The following FHIT variants were observed in gnomAD, a reference collection of about 807,000 sequenced individuals.
FHIT encodes the protein bis(5'-adenosyl)-triphosphatase.
Under a neutral mutation model 17.9 loss-of-function variants are expected in FHIT, and 19 were observed. The observed-to-expected ratio is 1.06, with a 90% CI of 0.74 to 1.56. The LOEUF is 1.56. FHIT is among the 40% of genes most tolerant of loss of function. The pLI is 0.00. For synonymous variants in FHIT, 81 were observed against 69.7 expected (o/e 1.16, Z -0.81); for missense variants, 248 against 189.2 (o/e 1.31, Z -1.82).
intron 5 of FHIT, among the ~76,000 whole-genome samples, chr3:60,118,948 G>C (rs1335803897): frequency 6.6e-6 from 1 of 151,340 alleles, no homozygotes; most frequent in African/African-American, 2.4e-5. Flanking sequence ...TTAAACGTGG[G>C]AGGCGGAGGT....
chr3:61,031,571 G>A (rs1559924595), intron 3 of FHIT, among the ~76,000 whole-genome samples: 1 of 152,142 alleles, frequency 6.6e-6, no homozygotes, highest in African/African-American at 2.4e-5. Flanking sequence ...CCAGTTAAAT[G>A]TCAAAGCTTT....
intron 5 of FHIT, among the ~76,000 whole-genome samples, chr3:60,436,801 A>T (rs1313489749): frequency 1.3e-5 from 2 of 152,138 alleles, no homozygotes; most frequent in Non-Finnish European, 2.9e-5. Flanking sequence ...ACTCAGGTCA[A>T]ATTTTATTCA....
At chr3:60,642,541 T>C (rs782767281) in intron 4 of FHIT, among the ~76,000 whole-genome samples, 12 of 152,226 alleles carry the variant, frequency 7.9e-5, no homozygotes, top group Non-Finnish European at 1.3e-4. Context: ...CTCAAGTTTG[T>C]AAAACAAAAA....
chr3:60,121,941 T>G (rs908442780), intron 5 of FHIT, among the ~76,000 whole-genome samples: 1 of 152,188 alleles, frequency 6.6e-6, no homozygotes, highest in Non-Finnish European at 1.5e-5. Context: ...TTGGGTTTAT[T>G]TCACTCTTTG....
intron 4 of FHIT, among the ~76,000 whole-genome samples, chr3:60,673,615 A>G (rs566322169): frequency 1.3e-5 from 2 of 152,094 alleles, no homozygotes; most frequent in Non-Finnish European, 2.9e-5. Context: ...GGTACAGCAA[A>G]CCACCATGGC....
intron 8 of FHIT, among the ~76,000 whole-genome samples, chr3:59,916,978 C>T (rs1052599084): frequency 6.6e-6 from 1 of 152,230 alleles, no homozygotes; most frequent in African/African-American, 2.4e-5. Flanking sequence ...TTAACTGTCT[C>T]ACTGAAACAT....
chr3:59,914,509 A>C (rs1160334544), intron 8 of FHIT, among the ~76,000 whole-genome samples: 1 of 152,180 alleles, frequency 6.6e-6, no homozygotes, highest in African/African-American at 2.4e-5. Context: ...TTATTTATAC[A>C]GGTTGTTTGA....
At chr3:60,844,861 G>A (rs1289054968) in intron 3 of FHIT, among the ~76,000 whole-genome samples, 1 of 152,072 alleles carries the variant, frequency 6.6e-6, no homozygotes, top group African/African-American at 2.4e-5. Context: ...CTACATAGCT[G>A]CCTTATTATT....
chr3:60,039,339 G>A (rs1701345411), intron 5 of FHIT, among the ~76,000 whole-genome samples: 1 of 152,106 alleles, frequency 6.6e-6, no homozygotes, highest in Non-Finnish European at 1.5e-5. Flanking sequence ...TTCATACATG[G>A]GGCTTTGGCA....
chr3:60,940,187 C>T (rs1186180722), intron 3 of FHIT, among the ~76,000 whole-genome samples: 5 of 152,116 alleles, frequency 3.3e-5, no homozygotes, highest in African/African-American at 1.2e-4. Context: ...TCTGCTCCAT[C>T]TTCCCATTGT....
intron 5 of FHIT, among the ~76,000 whole-genome samples, chr3:60,340,934 C>A (rs1297004101): frequency 6.6e-6 from 1 of 152,144 alleles, no homozygotes; most frequent in Non-Finnish European, 1.5e-5. Flanking sequence ...TTGTGATGCG[C>A]CCATCTCAGC....
chr3:60,729,552 C>T (rs2041986552), intron 4 of FHIT, among the ~76,000 whole-genome samples: 1 of 152,120 alleles, frequency 6.6e-6, no homozygotes, highest in African/African-American at 2.4e-5. Context: ...CCAGAGAGCT[C>T]TGCCATGAGC....
chr3:61,073,974 C>T (rs2034890925), intron 2 of FHIT, among the ~76,000 whole-genome samples: 1 of 152,116 alleles, frequency 6.6e-6, no homozygotes, highest in Admixed American at 6.6e-5. Context: ...CTTGATTTGG[C>T]ATTGGGTATT....
At chr3:59,952,851 G>A (rs969222306) in intron 7 of FHIT, among the ~76,000 whole-genome samples, 1 of 152,144 alleles carries the variant, frequency 6.6e-6, no homozygotes, top group Admixed American at 6.5e-5. Context: ...ACAGCAAGAT[G>A]CTCCCCTTGT....
chr3:59,879,657 T>C (rs1436343109), intron 8 of FHIT, among the ~76,000 whole-genome samples: 1 of 151,806 alleles, frequency 6.6e-6, no homozygotes, highest in Non-Finnish European at 1.5e-5. Context: ...TTACGTAGGG[T>C]CGAATAAATG....
chr3:60,191,358 G>C (rs1330303826), intron 5 of FHIT, among the ~76,000 whole-genome samples: 2 of 152,182 alleles, frequency 1.3e-5, no homozygotes, highest in African/African-American at 4.8e-5. Context: ...CTGTTGACTA[G>C]TCTCGTACTT....
At chr3:60,835,818 A>G (rs1016713269) in intron 3 of FHIT, among the ~76,000 whole-genome samples, 1 of 152,062 alleles carries the variant, frequency 6.6e-6, no homozygotes, top group African/African-American at 2.4e-5. Flanking sequence ...AGGTCTCTCC[A>G]TATTTCCCAG....
intron 4 of FHIT, among the ~76,000 whole-genome samples, chr3:60,750,666 T>C (rs2042447784): frequency 6.6e-6 from 1 of 152,260 alleles, no homozygotes; most frequent in East Asian, 1.9e-4. Context: ...AATAAACCTC[T>C]TTCTTTTGTA....
chr3:60,928,382 A>G (rs2107351751), intron 3 of FHIT, among the ~76,000 whole-genome samples: 2 of 151,324 alleles, frequency 1.3e-5, no homozygotes, highest in Middle Eastern at 3.4e-3. Flanking sequence ...AAAAAAAAGA[A>G]AAAAAAAGTG....
Sources: gnomAD v4.1 joint callset for allele counts (sites outside exome capture counted in the v4.1 genomes callset) on GRCh38, gnomAD v4.1.1 for gene constraint, MANE v1.5 for transcripts, NCBI Gene and HGNC (gene_info 2026-07-23, HGNC 2026-07-21) for gene names.